Variants in GRID1 observed in about 807,000 individuals in gnomAD.
GRID1 encodes glutamate ionotropic receptor delta type subunit 1.
A neutral mutation model predicts 98.0 loss-of-function variants in GRID1; 28 were observed. The ratio of observed to expected loss-of-function variants is 0.29; its 90% CI spans 0.21 to 0.39. GRID1 has a LOEUF of 0.39. Among genes scored for constraint, GRID1 ranks in the 10% least tolerant of loss-of-function variants. The pLI is 1.00. For missense variants in GRID1, 1,111 were observed against 1,340.5 expected (o/e 0.83, Z 2.67); for synonymous variants, 553 against 538.5 (o/e 1.03, Z -0.37).
At chr10:85,668,813 C>T (rs1240437746) in intron 12 of GRID1, among the ~76,000 whole-genome samples, 1 of 152,214 alleles carries the variant, frequency 6.6e-6, no homozygotes, top group Non-Finnish European at 1.5e-5. Flanking sequence ...CACCAATATT[C>T]AGGCTCTACG....
At chr10:86,049,701 C>T (rs1334007079) in intron 4 of GRID1, among the ~76,000 whole-genome samples, 1 of 152,220 alleles carries the variant, frequency 6.6e-6, no homozygotes, top group East Asian at 1.9e-4. Context: ...CATTGCTTGG[C>T]TTTGACTACC....
chr10:85,663,754 T>C (rs1370005512), intron 12 of GRID1, among the ~76,000 whole-genome samples: 11 of 152,174 alleles, frequency 7.2e-5, no homozygotes, highest in Non-Finnish European at 1.5e-5. Context: ...GCAAATGATC[T>C]CTTTATTATA....
intron 3 of GRID1, among the ~76,000 whole-genome samples, chr10:86,167,542 G>A (rs191669040): frequency 2.0e-5 from 3 of 152,350 alleles, no homozygotes; most frequent in Admixed American, 1.3e-4. Context: ...TGGTTGCTGG[G>A]GGAGTGGCGG....
chr10:86,307,620 C>T (rs1034547348), intron 2 of GRID1, among the ~76,000 whole-genome samples: 19 of 152,002 alleles, frequency 1.2e-4, no homozygotes, highest in East Asian at 3.9e-4. Flanking sequence ...ATGCACAGCA[C>T]GAAGATTATA....
chr10:85,847,864 T>C (rs1389865170), intron 8 of GRID1, among the ~76,000 whole-genome samples: 1 of 152,210 alleles, frequency 6.6e-6, no homozygotes, highest in East Asian at 1.9e-4. Flanking sequence ...TATTTTTTAA[T>C]GTCTGTATGT....
intron 12 of GRID1, among the ~76,000 whole-genome samples, chr10:85,675,197 A>G (rs1200366183): frequency 6.6e-6 from 1 of 152,198 alleles, no homozygotes; most frequent in Non-Finnish European, 1.5e-5. Context: ...ATACCTAGTG[A>G]TGCTGTCTGC....
chr10:86,045,982 G>A (rs1270478672), intron 4 of GRID1, among the ~76,000 whole-genome samples: 37 of 152,118 alleles, frequency 2.4e-4, no homozygotes. Context: ...AGGTGATTTT[G>A]AAGTAGGAGG....
chr10:86,318,181 G>A lies in GRID1; in HGVS notation c.235+45760C>T, dbSNP rs868012256. 2.6e-5 allele frequency among the ~76,000 whole-genome samples: 4 copies of A among 152,354 alleles called. No homozygotes were observed. The South Asian group carries it at 8.3e-4, about 32-fold the overall frequency. ...GAAAGGCCAAGGCCCCCTCCAGGCA[G>A]GCAGGAAAAGGCAATGACTCAGCAC... On this transcript the variant is annotated intron_variant, in intron 2 of 15. Transcript: ENST00000327946.
intron 4 of GRID1, among the ~76,000 whole-genome samples, chr10:85,997,088 A>G (rs775196548): frequency 7.9e-5 from 12 of 152,162 alleles, no homozygotes; most frequent in Admixed American, 1.3e-4. Flanking sequence ...TCTCTAAAAC[A>G]TGTGATAGCT....
At chr10:86,132,890 T>C (rs1048201532) in intron 4 of GRID1, among the ~76,000 whole-genome samples, 2 of 152,194 alleles carry the variant, frequency 1.3e-5, no homozygotes, top group Non-Finnish European at 2.9e-5. Context: ...GGGAGAGGTG[T>C]TGGGAGTGGC....
chr10:85,658,715 G>C (rs1840930780), intron 12 of GRID1, among the ~76,000 whole-genome samples: 1 of 152,126 alleles, frequency 6.6e-6, no homozygotes, highest in East Asian at 1.9e-4. Context: ...GGCAAAGAGG[G>C]AGGGTTCATG....
intron 12 of GRID1, among the ~76,000 whole-genome samples, chr10:85,694,166 T>A (rs1050188769): frequency 6.6e-6 from 1 of 151,960 alleles, no homozygotes; most frequent in African/African-American, 2.4e-5. Context: ...TCAACAAACC[T>A]GAAAAAATGC....
At chr10:85,946,963 A>G (rs1306163709) in intron 4 of GRID1, among the ~76,000 whole-genome samples, 1 of 152,182 alleles carries the variant, frequency 6.6e-6, no homozygotes, top group East Asian at 1.9e-4. Flanking sequence ...ACACAGCAAG[A>G]GAGACAACAG....
intron 12 of GRID1, among the ~76,000 whole-genome samples, chr10:85,721,161 T>C (rs1244480198): frequency 6.6e-6 from 1 of 152,162 alleles, no homozygotes; most frequent in African/African-American, 2.4e-5. Context: ...TCCACACCTA[T>C]CAGAATGGTA....
At chr10:86,055,771 A>C (rs1369462264) in intron 4 of GRID1, among the ~76,000 whole-genome samples, 2 of 151,964 alleles carry the variant, frequency 1.3e-5, no homozygotes, top group African/African-American at 2.4e-5. Context: ...AAGGAGAAGG[A>C]GAAGGAGAAG....
chr10:86,253,239 C>T (rs1316658503), intron 2 of GRID1, among the ~76,000 whole-genome samples: 5 of 152,234 alleles, frequency 3.3e-5, no homozygotes, highest in Non-Finnish European at 5.9e-5. Flanking sequence ...CTCCAAAAGC[C>T]GGGTTCCACA....
intron 4 of GRID1, among the ~76,000 whole-genome samples, chr10:86,112,109 T>C (rs1844496681): frequency 6.6e-6 from 1 of 152,192 alleles, no homozygotes; most frequent in Non-Finnish European, 1.5e-5. Context: ...ACACAGGAGT[T>C]GTCCAAGTCA....
chr10:86,345,416 A>T (rs1848367659), intron 2 of GRID1, among the ~76,000 whole-genome samples: 1 of 152,190 alleles, frequency 6.6e-6, no homozygotes, highest in Non-Finnish European at 1.5e-5. Context: ...TCCAGGGAGA[A>T]GCCAGCTAGC....
intron 3 of GRID1, among the ~76,000 whole-genome samples, chr10:86,205,733 G>A (rs1176704960): frequency 6.6e-6 from 1 of 152,214 alleles, no homozygotes; most frequent in Non-Finnish European, 1.5e-5. Context: ...TTACAGAGCA[G>A]TCATAAGAAA....
Sources: allele counts gnomAD v4.1 joint callset (sites outside exome capture counted in the v4.1 genomes callset), GRCh38; gene constraint gnomAD v4.1.1; transcripts MANE v1.5; gene names NCBI Gene and HGNC (gene_info 2026-07-23, HGNC 2026-07-21).